COMMD10: variants seen among roughly 807,000 people sequenced by gnomAD.
The protein encoded by COMMD10 is COMM domain containing 10.
In COMMD10, 33 loss-of-function variants were observed where a neutral mutation model predicts 28.9. The observed-to-expected ratio is 1.14, with a 90% confidence interval of 0.87 to 1.53. The LOEUF is 1.53. Among genes scored for constraint, COMMD10 ranks in the 40% most tolerant of loss-of-function variants. COMMD10 has a pLI of 0.00. For synonymous variants in COMMD10, 110 were observed against 81.7 expected (o/e 1.35, Z -1.87); for missense variants, 310 against 233.4 (o/e 1.33, Z -2.14).
intron 5 of COMMD10, among the ~76,000 whole-genome samples, chr5:116,267,077 G>C (rs940499093): frequency 6.6e-6 from 1 of 151,780 alleles, no homozygotes; most frequent in Non-Finnish European, 1.5e-5. Flanking sequence ...ATTCAACATA[G>C]TATTGGAAAT....
At chr5:116,258,938 C>T (rs999683037) in intron 5 of COMMD10, among the ~76,000 whole-genome samples, 1 of 151,564 alleles carries the variant, frequency 6.6e-6, no homozygotes, top group African/African-American at 2.4e-5. Context: ...TCAGTAGCTA[C>T]TAGAACTTCT....
intron 5 of COMMD10, among the ~76,000 whole-genome samples, chr5:116,189,967 T>C (rs894232476): frequency 6.6e-6 from 1 of 152,180 alleles, no homozygotes; most frequent in Admixed American, 6.5e-5. Flanking sequence ...ATCTTTCCCT[T>C]TCCTGCTCTT....
intron 4 of COMMD10, among the ~76,000 whole-genome samples, chr5:116,127,714 G>A (rs1387242113): frequency 6.6e-6 from 1 of 152,108 alleles, no homozygotes; most frequent in Non-Finnish European, 1.5e-5. Flanking sequence ...CTCATAGGTG[G>A]GAGTTGAACA....
intron 4 of COMMD10, among the ~76,000 whole-genome samples, chr5:116,099,079 ATTTGT>A (rs1293953196): frequency 6.6e-6 from 1 of 152,118 alleles, no homozygotes; most frequent in Non-Finnish European, 1.5e-5. Context: ...CCAGAACTTA[ATTTGT>A]TTTATAGCTA....
chr5:116,211,310 C>G (rs894598153), intron 5 of COMMD10, among the ~76,000 whole-genome samples: 11 of 152,098 alleles, frequency 7.2e-5, no homozygotes, highest in Non-Finnish European at 1.5e-4. Flanking sequence ...GTATAGCCTA[C>G]TACACAGCTA....
chr5:116,205,155 A>T (rs1748779992), intron 5 of COMMD10, among the ~76,000 whole-genome samples: 1 of 152,190 alleles, frequency 6.6e-6, no homozygotes. Flanking sequence ...AATAATAAAT[A>T]TAAATTTTAA....
At chr5:116,170,235 A>C (rs1484685841) in intron 5 of COMMD10, among the ~76,000 whole-genome samples, 1 of 152,168 alleles carries the variant, frequency 6.6e-6, no homozygotes, top group African/African-American at 2.4e-5. Context: ...ACTCCCATTC[A>C]CAATTGCTAC....
chr5:116,198,553 G>C (rs1036039247), intron 5 of COMMD10, among the ~76,000 whole-genome samples: 1 of 151,992 alleles, frequency 6.6e-6, no homozygotes, highest in African/African-American at 2.4e-5. Flanking sequence ...TTAATATTAG[G>C]GTTCACTTTT....
chr5:116,247,543 A>G (rs1217279278), intron 5 of COMMD10, among the ~76,000 whole-genome samples: 4 of 152,156 alleles, frequency 2.6e-5, no homozygotes, highest in African/African-American at 7.2e-5. Flanking sequence ...AGCACTATTC[A>G]CAACAGCAAA....
At chr5:116,115,437 T>C (rs1026302203) in intron 4 of COMMD10, among the ~76,000 whole-genome samples, 14 of 152,182 alleles carry the variant, frequency 9.2e-5, no homozygotes, top group African/African-American at 3.4e-4. Context: ...CTTGGAACAC[T>C]TACATTATAA....
intron 5 of COMMD10, among the ~76,000 whole-genome samples, chr5:116,236,396 A>G (rs1004873388): frequency 6.6e-6 from 1 of 150,590 alleles, no homozygotes; most frequent in Non-Finnish European, 1.5e-5. Context: ...CCCAGCTACT[A>G]GGGAGACTGA....
chr5:116,211,789 C>T (rs1748972144), intron 5 of COMMD10, among the ~76,000 whole-genome samples: 1 of 152,114 alleles, frequency 6.6e-6, no homozygotes, highest in Non-Finnish European at 1.5e-5. Context: ...TGCACACGCA[C>T]ACTCTCTCAC....
At chr5:116,215,669 A>AGAGTGG (rs1286857761) in intron 5 of COMMD10, among the ~76,000 whole-genome samples, 2 of 148,268 alleles carry the variant, frequency 1.3e-5, no homozygotes, top group African/African-American at 2.5e-5. Context: ...CCTGGGCGAC[A>AGAGTGG]GAGTGGGAGT....
chr5:116,247,784 G>T (rs1359674620), intron 5 of COMMD10, among the ~76,000 whole-genome samples: 2 of 151,950 alleles, frequency 1.3e-5, no homozygotes, highest in Admixed American at 6.6e-5. Flanking sequence ...TACATACAGG[G>T]GAACAACACA....
At chr5:116,098,290 A>G (rs186214607) in intron 4 of COMMD10, among the ~76,000 whole-genome samples, 11 of 152,322 alleles carry the variant, frequency 7.2e-5, no homozygotes, top group Admixed American at 2.0e-4. Context: ...ACACTGACTT[A>G]TATGATGAAA....
intron 5 of COMMD10, among the ~76,000 whole-genome samples, chr5:116,135,471 T>A (rs1751999028): frequency 6.6e-6 from 1 of 152,332 alleles, no homozygotes; most frequent in Non-Finnish European, 1.5e-5. Flanking sequence ...ACATTTTCAC[T>A]GGAACGTAAT....
intron 5 of COMMD10, among the ~76,000 whole-genome samples, chr5:116,157,844 G>T (rs1752767937): frequency 6.6e-6 from 1 of 151,932 alleles, no homozygotes; most frequent in South Asian, 2.1e-4. Context: ...AGAACTGCTA[G>T]TAACAGTCTT....
intron 4 of COMMD10, among the ~76,000 whole-genome samples, chr5:116,093,587 C>T (rs1438756355): frequency 6.6e-6 from 1 of 152,140 alleles, no homozygotes; most frequent in African/African-American, 2.4e-5. Flanking sequence ...AAAGGGTGCT[C>T]TTGCTGGGTT....
intron 5 of COMMD10, among the ~76,000 whole-genome samples, chr5:116,245,618 G>A (rs183601349): frequency 1.4e-3 from 206 of 151,988 alleles, no homozygotes; most frequent in African/African-American, 4.4e-3. Flanking sequence ...TAAATCCAGC[G>A]GCACATCAAA....
Sources: gnomAD v4.1 joint callset for allele counts (sites outside exome capture counted in the v4.1 genomes callset) on GRCh38, gnomAD v4.1.1 for gene constraint, MANE v1.5 for transcripts, NCBI Gene and HGNC (gene_info 2026-07-23, HGNC 2026-07-21) for gene names.